Variants in PCDHGA1 observed in about 807,000 individuals in gnomAD.
PCDHGA1 encodes the protein protocadherin gamma subfamily A, 1.
A neutral mutation model predicts 58.0 loss-of-function variants in PCDHGA1; 32 were observed. The observed-to-expected ratio is 0.55, with a 90% CI of 0.42 to 0.74. The LOEUF (loss-of-function observed/expected upper bound fraction) is 0.74, where lower values mean the gene tolerates loss of function less well. PCDHGA1 is among the 30% of genes least tolerant of loss of function. The pLI is 0.00. For synonymous variants in PCDHGA1, 498 were observed against 501.1 expected, an observed-to-expected ratio of 0.99 and a Z score of 0.08; for missense variants, 1,205 against 1,182.3, an observed-to-expected ratio of 1.02 and a Z score of -0.28.
chr5:141,433,159 T>C, intron 1 of PCDHGA1: 2 of 1,613,968 alleles, frequency 1.2e-6, no homozygotes, highest in Non-Finnish European at 1.7e-6. Flanking sequence ...CGGTATTTTC[T>C]AAAGACAGTC....
chr5:141,376,222 G>T (rs1485996653), intron 1 of PCDHGA1: 2 of 1,614,068 alleles, frequency 1.2e-6, no homozygotes, highest in East Asian at 2.2e-5. Flanking sequence ...TGCTGCTGGC[G>T]CTCAGACTGC....
intron 2 of PCDHGA1, among the ~76,000 whole-genome samples, chr5:141,504,968 C>A (rs1377016827): frequency 1.3e-5 from 2 of 152,206 alleles, no homozygotes; most frequent in East Asian, 3.9e-4. Context: ...ATTGGACCAG[C>A]CTGGCCAACA....
Position 141,330,913 on chromosome 5 carries a change from C to G in PCDHGA1, c.229C>G (p.Leu77Val), listed in dbSNP as rs752414072. Reference sequence around the variant, plus strand: ...CAGAGGTAGGATGCCGCTTTTCGCTCTGAATCCTAGAAGTGGCAGCTTGAT... The same window carrying G: ...CAGAGGTAGGATGCCGCTTTTCGCTGTGAATCCTAGAAGTGGCAGCTTGAT... Reference protein sequence around the residue: ...VSRGRMPLFALNPRSGSLITA... With the variant: ...VSRGRMPLFAVNPRSGSLITA... The change falls in exon 1 of 4, where the codon CTG becomes GTG. Residue 77 changes from leucine (L) to valine (V), a missense_variant. Physicochemically the swap from Leu to Val is conservative, Grantham distance 32. Coordinates refer to ENST00000517417, the MANE Select transcript of PCDHGA1 (RefSeq NM_018912.3). The G allele has an allele frequency of 1.9e-6, 3 of 1,614,124 alleles. No individual in the cohort carries two copies. Among genetic ancestry groups the G allele is most frequent in the South Asian group, 1.1e-5 (1 of 91,094 alleles).
rs775037681 is a variant in PCDHGA1 at position 141,388,812 on chromosome 5, G to T, written c.2421+55707G>T. On this transcript the variant is annotated intron_variant, in intron 1 of 3. Transcript: ENST00000517417. Reference sequence around the variant, plus strand: ...TTTAAATACATTAGATTTTGAAGAAGTCAAAGAATATTCCATAGTTTTGGA... The same window carrying T: ...TTTAAATACATTAGATTTTGAAGAATTCAAAGAATATTCCATAGTTTTGGA... 2.1e-5 allele frequency: 34 copies of T among 1,613,816 alleles called. No homozygotes were observed. Among genetic ancestry groups the T allele is most frequent in the Non-Finnish European group, 2.8e-5 (33 of 1,179,866 alleles).
At chr5:141,428,466 A>G (rs1230267635) in intron 1 of PCDHGA1, 1 of 344,756 alleles carries the variant, frequency 2.9e-6, no homozygotes, top group Admixed American at 4.1e-5. Context: ...ACAATGAGGG[A>G]ACTTTGCTTT....
At chr5:141,509,040 C>G (rs1217864661) in intron 3 of PCDHGA1, among the ~76,000 whole-genome samples, 1 of 152,132 alleles carries the variant, frequency 6.6e-6, no homozygotes, top group Non-Finnish European at 1.5e-5. Context: ...CAACCCCTCT[C>G]CCCCGCCCCC....
At chr5:141,403,582 G>T in intron 1 of PCDHGA1, 1 of 1,613,910 alleles carries the variant, frequency 6.2e-7, no homozygotes. Context: ...CCCACCACCT[G>T]GTCCTCACGG....
intron 1 of PCDHGA1, chr5:141,361,921 G>A (rs1392187094): frequency 3.7e-6 from 6 of 1,607,600 alleles, no homozygotes; most frequent in Non-Finnish European, 5.1e-6. Flanking sequence ...GGCGGTGGAC[G>A]CAGACTCAGG....
rs547129690 is a variant in PCDHGA1, at chr5:141,385,366, C to A, written c.2421+52261C>A. On this transcript the variant is annotated intron_variant, in intron 1 of 3. Transcript: ENST00000517417. ...TTTATTTCCATGAGGAATTTATTTG[C>A]ATGATATTTCTCTATTATTTTGCAA... The A allele has an allele frequency of 5.9e-6, 9 of 1,535,728 alleles. No individual in the cohort carries two copies. The South Asian group carries it at 9.0e-5, about 15-fold the overall frequency.
At chr5:141,393,972 C>G in intron 1 of PCDHGA1, 1 of 1,613,790 alleles carries the variant, frequency 6.2e-7, no homozygotes, top group South Asian at 1.1e-5. Flanking sequence ...CTGTTACACA[C>G]GTGATAATTT....
In PCDHGA1 at chr5:141,350,450, C is replaced by T. The variant is rs774172640; in HGVS notation, c.2421+17345C>T. On this transcript the variant is annotated intron_variant, in intron 1 of 3. Coordinates refer to ENST00000517417, the MANE Select transcript of PCDHGA1 (RefSeq NM_018912.3). ...TGTCCGGGAGTTGCCAACTCGAAAA[C>T]TGCGGGTTAGTGCAGAGGATTATTT... The T allele has an allele frequency of 8.7e-6, 14 of 1,611,902 alleles. No individual in the cohort carries two copies. The South Asian group carries it at 1.3e-4, about 15-fold the overall frequency.
Position 141,489,179 on chromosome 5 carries a change from C to T in PCDHGA1, c.2422-5628C>T. ...AGACTTCAGCTGCTGCATTCCAAGC[C>T]CTGGGTCTACCTTGGAGACAGGACA... On this transcript the variant is annotated intron_variant, in intron 1 of 3. Coordinates refer to ENST00000517417, the MANE Select transcript of PCDHGA1 (RefSeq NM_018912.3). The surrounding 1 kb of genome is among the most constrained non-coding windows in gnomAD (Gnocchi z 4.5). The T allele has an allele frequency of 8.0e-7, 1 of 1,243,186 alleles. No individual in the cohort carries two copies. The highest frequency in any genetic ancestry group is 1.1e-6 in the Non-Finnish European group (1 of 890,032). The allele number at this position is 1,243,186 out of a possible 1,614,324, so 77.0% of individuals were successfully genotyped here. A position where few individuals can be genotyped will look rare whatever the true frequency, so the allele number is the denominator to read the frequency against.
At chr5:141,383,757 T>A (rs557236350) in intron 1 of PCDHGA1, 1 of 1,613,992 alleles carries the variant, frequency 6.2e-7, no homozygotes, top group East Asian at 2.2e-5. Context: ...AAATAACTCC[T>A]AAACTTCCAA....
At position 141,403,108 on chromosome 5, in the gene PCDHGA1, G is replaced by A. The variant is rs189164879; in HGVS notation, c.2421+70003G>A. The A allele has an allele frequency of 2.7e-5, 43 of 1,614,086 alleles. No homozygotes were observed. In the African/African-American group the frequency reaches 5.1e-4, roughly 19 times the overall value. ...TTGTGGGCAACATCTCCAAGGACCT[G>A]GCTCTGGAGCCCCGGGAGCTGGCGG... On this transcript the variant is annotated intron_variant, in intron 1 of 3. Coordinates refer to ENST00000517417, the MANE Select transcript of PCDHGA1 (RefSeq NM_018912.3).
At chr5:141,388,721 C>A (rs373386803) in intron 1 of PCDHGA1, 33 of 1,613,884 alleles carry the variant, frequency 2.0e-5, no homozygotes, top group Non-Finnish European at 2.7e-5. Context: ...AGATTACTTT[C>A]TCTTTCAGTG....
At chr5:141,351,774 C>T in intron 1 of PCDHGA1, 1 of 1,613,528 alleles carries the variant, frequency 6.2e-7, no homozygotes, top group East Asian at 2.2e-5. Context: ...TCCGTGAGCC[C>T]GCAGAGCGGG....
At chr5:141,478,821 A>G (rs72790063) in intron 1 of PCDHGA1, 38,524 of 1,444,166 alleles carry the variant, frequency 0.027, 650 homozygotes, top group East Asian at 0.045. Flanking sequence ...CAACTAACCA[A>G]TCTTGCTAAG....
Position 141,485,210 on chromosome 5 carries a change from C to G in PCDHGA1, c.2422-9597C>G. 2 of 1,614,058 alleles carry G rather than the reference C, an allele frequency of 1.2e-6. No individual in the cohort carries two copies. The highest frequency in any genetic ancestry group is 1.7e-6 in the Non-Finnish European group (2 of 1,179,934). On this transcript the variant is annotated intron_variant, in intron 1 of 3. Transcript: ENST00000517417. The surrounding 1 kb of genome is among the most constrained non-coding windows in gnomAD (Gnocchi z 5.7). ...GGTGAGAAGCTGGACAGAAATCTGG[C>G]GGTGGGCTACCCTTTTGTTCCTCTT...
chr5:141,433,204 C>CT, intron 1 of PCDHGA1: 2 of 1,566,944 alleles, frequency 1.3e-6, no homozygotes, highest in Admixed American at 2.0e-5. Flanking sequence ...ATCAAATCTT[C>CT]TTTCTTTTTT....
Sources: gnomAD v4.1 joint callset for allele counts (sites outside exome capture counted in the v4.1 genomes callset) on GRCh38, gnomAD v4.1.1 for gene constraint, Gnocchi (gnomAD v3.1) non-coding constraint, MANE v1.5 for transcripts, NCBI Gene and HGNC (gene_info 2026-07-23, HGNC 2026-07-21) for gene names.